The following TRIQK variants were observed in gnomAD, a reference collection of about 807,000 sequenced individuals.
TRIQK encodes triple QxxK/R motif containing, also known as triple QxxK/R motif-containing protein.
TRIQK carries 10 observed loss-of-function variants against 10.8 expected under a neutral mutation model. The ratio of observed to expected loss-of-function variants is 0.92; its 90% CI spans 0.57 to 1.57. The LOEUF is 1.57. Ranked by LOEUF, TRIQK falls within the 40% of genes most tolerant of loss-of-function variation. The probability of loss-of-function intolerance (pLI) is 0.00; values close to 1 mark genes in which losing one functional copy is unlikely to be tolerated. For missense variants in TRIQK, 107 were observed against 97.7 expected (o/e 1.09, Z -0.40); for synonymous variants, 33 against 33.7 (o/e 0.98, Z 0.07).
At position 92,927,464 on chromosome 8, in the gene TRIQK, T is replaced by C. The variant is rs200977879; in HGVS notation, c.-21-10454A>G. ...ATAACAAAATTTGGGAGTAAAAAAA[T>C]AACCAAAAACCAAATACTAGGAGTG... On this transcript the variant is annotated intron_variant, in intron 2 of 4. Coordinates refer to ENST00000521988, the MANE Select transcript of TRIQK (RefSeq NM_001171797.2). 4.0e-5 allele frequency among the ~76,000 whole-genome samples: 6 copies of C among 151,702 alleles called. No individual in the cohort carries two copies. The East Asian group carries it at 9.7e-4, about 25-fold the overall frequency.
intron 2 of TRIQK, among the ~76,000 whole-genome samples, chr8:92,936,372 C>T (rs1047044998): frequency 1.3e-5 from 2 of 151,526 alleles, no homozygotes; most frequent in Non-Finnish European, 3.0e-5. Flanking sequence ...GAGGAAAATA[C>T]TGACAGACCT....
At chr8:92,993,245 C>T (rs1201862784) in intron 1 of TRIQK, among the ~76,000 whole-genome samples, 1 of 152,138 alleles carries the variant, frequency 6.6e-6, no homozygotes, top group Non-Finnish European at 1.5e-5. Context: ...TTCCCTTGTG[C>T]TTGTCACTGT....
intron 3 of TRIQK, among the ~76,000 whole-genome samples, chr8:92,912,679 T>C (rs563356149): frequency 2.0e-5 from 3 of 151,786 alleles, no homozygotes; most frequent in African/African-American, 7.3e-5. Context: ...ATGAAAAAGA[T>C]CATAAGGGGC....
At chr8:92,988,000 C>CTTTTTTT (rs549776227) in intron 1 of TRIQK, among the ~76,000 whole-genome samples, 1 of 57,576 alleles carries the variant, frequency 1.7e-5, no homozygotes, top group Non-Finnish European at 3.0e-5. Context: ...TTTATACTTT[C>CTTTTTTT]TTTTTTTTTT....
chr8:92,958,804 T>G (rs1433350424), intron 1 of TRIQK, among the ~76,000 whole-genome samples: 2 of 152,018 alleles, frequency 1.3e-5, no homozygotes, highest in Non-Finnish European at 2.9e-5. Flanking sequence ...AGGCTTTGGA[T>G]GTCAAGAGGG....
intron 2 of TRIQK, among the ~76,000 whole-genome samples, chr8:92,939,520 C>A (rs1474823579): frequency 1.3e-5 from 2 of 152,142 alleles, no homozygotes; most frequent in Non-Finnish European, 2.9e-5. Flanking sequence ...GCCACACTGG[C>A]TTTGCCCAGG....
At chr8:92,988,118 C>T (rs1359010230) in intron 1 of TRIQK, among the ~76,000 whole-genome samples, 1 of 148,514 alleles carries the variant, frequency 6.7e-6, no homozygotes, top group African/African-American at 2.5e-5. Flanking sequence ...TCACACCATT[C>T]TCCTGCCTCA....
intron 2 of TRIQK, among the ~76,000 whole-genome samples, chr8:92,920,603 TTTCAGATTAC>T (rs1378955378): frequency 5.9e-5 from 9 of 151,624 alleles, no homozygotes; most frequent in African/African-American, 1.9e-4. Context: ...GAGCCTATTA[TTTCAGATTAC>T]TTCAAAGCAG....
chr8:92,916,879 TGTTTTTATCTC>T, intron 3 of TRIQK, 39 bp downstream of exon 3: 9 of 1,246,344 alleles, frequency 7.2e-6, no homozygotes, highest in Non-Finnish European at 8.5e-6. Context: ...TGCATAATTG[TGTTTTTATCTC>T]AATTAATAGG....
At chr8:92,992,649 C>G (rs1280784282) in intron 1 of TRIQK, among the ~76,000 whole-genome samples, 9 of 152,150 alleles carry the variant, frequency 5.9e-5, no homozygotes, top group Admixed American at 5.9e-4. Flanking sequence ...ACAGGGCCAG[C>G]CTGAGGCTGA....
intron 2 of TRIQK, among the ~76,000 whole-genome samples, chr8:92,923,376 T>C (rs1474646541): frequency 6.6e-6 from 1 of 151,810 alleles, no homozygotes; most frequent in Non-Finnish European, 1.5e-5. Context: ...CAGACTTATA[T>C]TAGCATGTAC....
At chr8:93,000,273 G>C (rs1813195484) in intron 1 of TRIQK, among the ~76,000 whole-genome samples, 1 of 152,134 alleles carries the variant, frequency 6.6e-6, no homozygotes, top group Non-Finnish European at 1.5e-5. Flanking sequence ...CTGTGAAGAA[G>C]TACCTGAGAC....
At position 92,899,847 on chromosome 8, in the gene TRIQK, G is replaced by A. The variant is rs150239380; in HGVS notation, c.62-7773C>T. Among the ~76,000 whole-genome samples the A allele has an allele frequency of 4.2e-3, 646 of 152,214 alleles. 4 individuals are homozygous for A. Among genetic ancestry groups the A allele is most frequent in the African/African-American group, 0.015 (618 of 41,528 alleles). On this transcript the variant is annotated intron_variant, in intron 3 of 4. Transcript: ENST00000521988. ...CTCCAAACCGTTTTCAATAGTGGTT[G>A]TACTAATTTACATTCCCACCAACAG...
chr8:92,939,555 C>T lies in TRIQK; in HGVS notation c.-22+14851G>A, dbSNP rs1032630262. Among the ~76,000 whole-genome samples the T allele has an allele frequency of 2.1e-3, 325 of 152,182 alleles. 4 individuals carry two copies. Among genetic ancestry groups the T allele is most frequent in the African/African-American group, 7.6e-3 (316 of 41,508 alleles). ...GAAGGTAAGCAATGGCTCCACACAA[C>T]CAAAAAGCTCACCCTACAACCTCCC... On this transcript the variant is annotated intron_variant, in intron 2 of 4. Transcript: ENST00000521988.
At chr8:92,992,083 G>T (rs1050694771) in intron 1 of TRIQK, among the ~76,000 whole-genome samples, 4 of 152,096 alleles carry the variant, frequency 2.6e-5, no homozygotes, top group African/African-American at 9.7e-5. Flanking sequence ...GATAATAATT[G>T]GGAGCATTGC....
chr8:92,944,304 C>A (rs1173431716), intron 2 of TRIQK, among the ~76,000 whole-genome samples: 81 of 134,770 alleles, frequency 6.0e-4, no homozygotes, highest in East Asian at 8.8e-4. Context: ...GAAGGTTACT[C>A]AAAAAAAAAA....
At chr8:92,953,530 G>A (rs1397352146) in intron 2 of TRIQK, 2 of 151,852 alleles carry the variant, frequency 1.3e-5, no homozygotes, top group East Asian at 3.9e-4. Flanking sequence ...TTTTAATAAC[G>A]ACCAAAAGAA....
chr8:92,911,092 C>A (rs769590722), intron 3 of TRIQK, among the ~76,000 whole-genome samples: 1 of 151,016 alleles, frequency 6.6e-6, no homozygotes, highest in South Asian at 2.1e-4. Context: ...AAAACACTGT[C>A]GGTACAAGAA....
chr8:92,923,509 G>A (rs1435849913), intron 2 of TRIQK, among the ~76,000 whole-genome samples: 1 of 151,630 alleles, frequency 6.6e-6, no homozygotes, highest in Admixed American at 6.6e-5. Flanking sequence ...ACTGAAATAT[G>A]GATTAATAAG....
Sources: allele counts gnomAD v4.1 joint callset (sites outside exome capture counted in the v4.1 genomes callset), GRCh38; gene constraint gnomAD v4.1.1; transcripts MANE v1.5; gene names NCBI Gene and HGNC (gene_info 2026-07-23, HGNC 2026-07-21).